Variants in E2F6 observed in about 807,000 individuals in gnomAD.
E2F6 encodes the protein transcription factor E2F6.
A neutral mutation model predicts 31.5 loss-of-function variants in E2F6; 19 were observed. The observed-to-expected ratio is 0.60, with a 90% CI of 0.42 to 0.89. The LOEUF is 0.89. E2F6 is among the 40% of genes least tolerant of loss of function. E2F6 has a pLI of 0.00. For missense variants in E2F6, 269 were observed against 341.6 expected (o/e 0.79, Z 1.67); for synonymous variants, 121 against 127.7 (o/e 0.95, Z 0.36).
intron 4 of E2F6, chr2:11,451,348 CTTTT>C (rs61072678): frequency 3.1e-4 from 33 of 105,686 alleles, no homozygotes; most frequent in Non-Finnish European, 5.1e-4. Context: ...TTTTACCTAA[CTTTT>C]TTTTTTTTTT....
intron 1 of E2F6, among the ~76,000 whole-genome samples, chr2:11,463,542 G>A (rs1201950407): frequency 1.3e-5 from 2 of 152,178 alleles, no homozygotes; most frequent in African/African-American, 4.8e-5. Context: ...GGGATTTGGT[G>A]CCCCAATCCC....
chr2:11,458,188 G>T, intron 1 of E2F6: 1 of 1,379,218 alleles, frequency 7.3e-7, no homozygotes, highest in Non-Finnish European at 1.0e-6. Context: ...GAAAAAACTG[G>T]CCATAAAGCA....
At chr2:11,454,045 C>T (rs1572498902) in intron 2 of E2F6, among the ~76,000 whole-genome samples, 1 of 152,170 alleles carries the variant, frequency 6.6e-6, no homozygotes, top group South Asian at 2.1e-4. Context: ...CAACCAGTGT[C>T]CACCGAACAT....
chr2:11,465,777 G>C lies in E2F6; in HGVS notation c.103C>G (p.Leu35Val). 6.3e-7 allele frequency: 1 copy of C among 1,594,376 alleles called. No individual in the cohort carries two copies. Among genetic ancestry groups the C allele is most frequent in the Non-Finnish European group, 8.5e-7 (1 of 1,171,360 alleles). ...CGTCCCGTCCCGGAGCTTACCAGCA[G>C]GCCCTCCACGTTGATGGGGTCTCGG... ...RCRDPINVEG[L>V]LPSKIRINLE... Residue 35 changes from leucine to valine, a missense_variant, in exon 1 of 7, where the codon CTG becomes GTG. Transcript: ENST00000381525.
rs560511980 is a variant in E2F6 at position 11,459,009 on chromosome 2, T to C, written c.109-1776A>G. Among the ~76,000 whole-genome samples the C allele has an allele frequency of 2.0e-5, 3 of 152,186 alleles. No individual in the cohort carries two copies. In the East Asian group the frequency reaches 5.8e-4, roughly 29 times the overall value. ...CTATCAAAGTCAGACATTAGACAAG[T>C]GTGACCAACTGCCATTGCTATTTTT... On this transcript the variant is annotated intron_variant, in intron 1 of 6. Transcript: ENST00000381525.
Position 11,458,654 on chromosome 2 carries a change from G to A in E2F6, c.109-1421C>T, listed in dbSNP as rs1572507954. Among the ~76,000 whole-genome samples the A allele has an allele frequency of 2.6e-5, 4 of 152,232 alleles. No individual in the cohort carries two copies. In the South Asian group the frequency reaches 8.3e-4, roughly 32 times the overall value. On this transcript the variant is annotated intron_variant, in intron 1 of 6. Transcript: ENST00000381525. ...GGCAAAAGGACTGGGAAATGAGGAA[G>A]CCTGAAGGCAAGGTGAGCAGTTAAG...
At chr2:11,448,776 T>C (rs1670880692) in intron 5 of E2F6, among the ~76,000 whole-genome samples, 3 of 152,278 alleles carry the variant, frequency 2.0e-5, no homozygotes, top group African/African-American at 7.2e-5. Flanking sequence ...CAAGTCACAC[T>C]ATCCCTGTCA....
At chr2:11,462,592 G>C (rs1671855109) in intron 1 of E2F6, among the ~76,000 whole-genome samples, 1 of 152,082 alleles carries the variant, frequency 6.6e-6, no homozygotes, top group Admixed American at 6.5e-5. Context: ...AGCACTACTG[G>C]AAGCATACTG....
intron 2 of E2F6, chr2:11,455,483 T>C: frequency 7.7e-7 from 1 of 1,294,254 alleles, no homozygotes; most frequent in African/African-American, 1.5e-5. Flanking sequence ...CACTTAAGAT[T>C]AAATAGGCGT....
chr2:11,465,398 G>C (rs1449917048), intron 1 of E2F6, among the ~76,000 whole-genome samples: 1 of 152,028 alleles, frequency 6.6e-6, no homozygotes, highest in Non-Finnish European at 1.5e-5. Context: ...TATAAAGCGT[G>C]GACAAGGTTT....
Position 11,453,688 on chromosome 2 carries a change from C to G in E2F6, c.274G>C (p.Val92Leu). 6.2e-7 allele frequency: 1 copy of G among 1,614,124 alleles called. No individual in the cohort carries two copies. Among genetic ancestry groups the G allele is most frequent in the Non-Finnish European group, 8.5e-7 (1 of 1,180,034 alleles). Residue 92 changes from valine to leucine, a missense_variant, in exon 3 of 7, where the codon GTT becomes CTT. Coordinates refer to ENST00000381525, the MANE Select transcript of E2F6 (RefSeq NM_198256.4). ...TTTCGGACTCCCAGTTTCGTTGCAACCTTGTTTAAGTCAAGAATACCCCCG... is the reference window on the plus strand; with the variant it reads ...TTTCGGACTCCCAGTTTCGTTGCAAGCTTGTTTAAGTCAAGAATACCCCCG... Reference protein sequence around the residue: ...APGGILDLNKVATKLGVRKRR... With the variant: ...APGGILDLNKLATKLGVRKRR...
chr2:11,465,529 G>A (rs1026782821), intron 1 of E2F6, among the ~76,000 whole-genome samples: 6 of 152,232 alleles, frequency 3.9e-5, no homozygotes, highest in Non-Finnish European at 8.8e-5. Flanking sequence ...GCAAAGTTGA[G>A]CAATTTTCTC....
In E2F6 at chr2:11,445,774, C is replaced by T. The variant is rs930215626; in HGVS notation, c.*703G>A. 6.6e-6 allele frequency: 1 copy of T among 151,954 alleles called. No homozygotes were observed. Among genetic ancestry groups the T allele is most frequent in the African/African-American group, 2.4e-5 (1 of 41,334 alleles). 9.4% of individuals were successfully genotyped at this position (151,954 alleles called of 1,614,324 possible). ...AAGAAGTATCTGACTCCAATTTTAGCACTGAAAACCATATTAAAATACTTT... is the reference window on the plus strand; with the variant it reads ...AAGAAGTATCTGACTCCAATTTTAGTACTGAAAACCATATTAAAATACTTT... On this transcript the variant is annotated 3_prime_UTR_variant, in exon 7 of 7. Coordinates refer to ENST00000381525, the MANE Select transcript of E2F6 (RefSeq NM_198256.4).
chr2:11,453,370 A>G (rs61016299), intron 3 of E2F6, among the ~76,000 whole-genome samples: 46,746 of 152,052 alleles, frequency 0.31, 8,847 homozygotes, highest in East Asian at 0.61. Flanking sequence ...AATTTTCCCA[A>G]TATCAATAAT....
intron 3 of E2F6, among the ~76,000 whole-genome samples, chr2:11,452,107 T>G (rs1017600210): frequency 6.6e-6 from 1 of 152,118 alleles, no homozygotes; most frequent in African/African-American, 2.4e-5. Context: ...TAAGAGTCAA[T>G]AACACCCAGC....
intron 4 of E2F6, 56 bp from the exon 5 acceptor site, chr2:11,450,182 A>G: frequency 1.7e-6 from 2 of 1,158,326 alleles, no homozygotes; most frequent in Non-Finnish European, 2.5e-6. Flanking sequence ...GAGGTAATTT[A>G]TCTCTAGTAA....
intron 1 of E2F6, among the ~76,000 whole-genome samples, chr2:11,459,712 G>A (rs894370493): frequency 1.1e-4 from 16 of 151,916 alleles, no homozygotes; most frequent in Non-Finnish European, 2.1e-4. Flanking sequence ...TGAAATCCCC[G>A]TCTCTACTAA....
At chr2:11,456,900 A>G (rs1313078308) in intron 2 of E2F6, 5 of 379,378 alleles carry the variant, frequency 1.3e-5, no homozygotes, top group Non-Finnish European at 2.4e-5. Context: ...TTAACCTAAG[A>G]TAAGGGACAA....
rs1645341078 is a variant in E2F6 at position 11,466,105 on chromosome 2, G to A, written c.-226C>T. 6.1e-6 allele frequency: 3 copies of A among 495,406 alleles called. No individual in the cohort carries two copies. Among genetic ancestry groups the A allele is most frequent in the South Asian group, 2.9e-5 (1 of 34,630 alleles). The allele number at this position is 495,406 out of a possible 1,614,324, so 30.7% of individuals were successfully genotyped here. On this transcript the variant is annotated 5_prime_UTR_variant, in exon 1 of 7. Coordinates refer to ENST00000381525, the MANE Select transcript of E2F6 (RefSeq NM_198256.4). ...CCGACGCAGACGGAAAAAGAGGAGG[G>A]AGACCCGCGGATCTCAAGTCGCCCG...
Sources: allele counts gnomAD v4.1 joint callset (sites outside exome capture counted in the v4.1 genomes callset), GRCh38; gene constraint gnomAD v4.1.1; transcripts MANE v1.5; gene names NCBI Gene and HGNC (gene_info 2026-07-23, HGNC 2026-07-21).